The following LNX1 variants were observed in gnomAD, a reference collection of about 807,000 sequenced individuals.
The protein encoded by LNX1 is E3 ubiquitin-protein ligase LNX.
A neutral mutation model predicts 68.4 loss-of-function variants in LNX1; 54 were observed. That is an observed-to-expected ratio of 0.79 (90% CI 0.63 to 0.99). LNX1 has a LOEUF of 0.99. LNX1 is among the 50% of genes least tolerant of loss of function. The pLI, the probability that LNX1 is intolerant of heterozygous loss-of-function variation, is 0.00. For synonymous variants in LNX1, 336 were observed against 350.0 expected, an observed-to-expected ratio of 0.96 and a Z score of 0.45; for missense variants, 906 against 926.4, an observed-to-expected ratio of 0.98 and a Z score of 0.29.
chr4:53,628,464 A>G (rs1734154422), intron 1 of LNX1, among the ~76,000 whole-genome samples: 1 of 152,172 alleles, frequency 6.6e-6, no homozygotes, highest in Non-Finnish European at 1.5e-5. Flanking sequence ...TGCAAGAATG[A>G]CCATTATTAA....
At chr4:53,507,277 C>T (rs937522603) in intron 4 of LNX1, 40 bp downstream of exon 4, 2 of 1,595,822 alleles carry the variant, frequency 1.3e-6, no homozygotes, top group Admixed American at 3.5e-5. Flanking sequence ...CCCTGGAAGC[C>T]CAGCCCATGT....
chr4:53,521,854 C>T (rs1255608067), intron 2 of LNX1, among the ~76,000 whole-genome samples: 2 of 152,132 alleles, frequency 1.3e-5, no homozygotes, highest in Admixed American at 1.3e-4. Flanking sequence ...GGCTGGAGTG[C>T]AGTGGCATCA....
chr4:53,557,443 A>G (rs1201938935), intron 2 of LNX1, among the ~76,000 whole-genome samples: 1 of 152,140 alleles, frequency 6.6e-6, no homozygotes, highest in East Asian at 1.9e-4. Flanking sequence ...TACTGATACT[A>G]TACCTGTTTT....
chr4:53,620,962 T>G (rs573225081), upstream of LNX1, among the ~76,000 whole-genome samples: 57 of 152,178 alleles, frequency 3.7e-4, no homozygotes, highest in Admixed American at 1.2e-3. Context: ...CAATTATAGT[T>G]GTTACTCCTG....
chr4:53,649,469 A>C (rs751176273), intron 1 of LNX1, among the ~76,000 whole-genome samples: 1 of 152,162 alleles, frequency 6.6e-6, no homozygotes, highest in Non-Finnish European at 1.5e-5. Context: ...TGAACTCCGG[A>C]AGTCTGGCTC....
At chr4:53,526,887 A>G (rs1812717) in intron 2 of LNX1, among the ~76,000 whole-genome samples, 66,741 of 151,728 alleles carry the variant, frequency 0.44, 16,315 homozygotes, top group South Asian at 0.54. Flanking sequence ...GGCTCCACAG[A>G]AGGCTCACGA....
At chr4:53,501,311 G>GGGGGGGGCC (rs1553932778) in intron 4 of LNX1, among the ~76,000 whole-genome samples, 1 of 55,696 alleles carries the variant, frequency 1.8e-5, no homozygotes. Context: ...GGGGTGGGGG[G>GGGGGGGGCC]ACAGGATCTC....
upstream of LNX1, among the ~76,000 whole-genome samples, chr4:53,596,237 T>C (rs1263716080): frequency 6.6e-6 from 1 of 152,244 alleles, no homozygotes; most frequent in Non-Finnish European, 1.5e-5. Context: ...ATTCCATTTC[T>C]CTCACAAACT....
chr4:53,589,871 C>T (rs967073531), intron 1 of LNX1, among the ~76,000 whole-genome samples: 1 of 152,218 alleles, frequency 6.6e-6, no homozygotes, highest in African/African-American at 2.4e-5. Flanking sequence ...GTGTCTACAG[C>T]TTTGTTCCTT....
chr4:53,617,639 A>T (rs1385033123), upstream of LNX1: 1 of 152,210 alleles, frequency 6.6e-6, no homozygotes, highest in Non-Finnish European at 1.5e-5. Context: ...ATGTGTAGAA[A>T]CATGCCCACC....
At chr4:53,536,339 A>T (rs1728372586) in intron 2 of LNX1, among the ~76,000 whole-genome samples, 1 of 152,140 alleles carries the variant, frequency 6.6e-6, no homozygotes, top group Non-Finnish European at 1.5e-5. Flanking sequence ...CATCTTCAAG[A>T]GGGGACTTTT....
Position 53,649,599 on chromosome 4 carries a change from C to T in LNX1, c.-215+2569G>A, listed in dbSNP as rs115548765. 6.5e-3 allele frequency among the ~76,000 whole-genome samples: 986 copies of T among 152,326 alleles called. 4 individuals are homozygous for T. The highest frequency in any genetic ancestry group is 0.022 in the African/African-American group (931 of 41,570). On this transcript the variant is annotated intron_variant, in intron 1 of 2. Transcript: ENST00000507168. Reference sequence around the variant, plus strand: ...TGCACTAGCCACCCTGAGGTAGCTCCTGATATTCTCTATCAGTTACAGTAT... The same window carrying T: ...TGCACTAGCCACCCTGAGGTAGCTCTTGATATTCTCTATCAGTTACAGTAT...
chr4:53,529,102 A>AACACACACACACACACACACAC (rs201017055), intron 2 of LNX1, among the ~76,000 whole-genome samples: 3,727 of 138,188 alleles, frequency 0.027, 103 homozygotes, highest in Admixed American at 0.046. Context: ...AGTCCTGACC[A>AACACACACACACACACACACAC]ACACACACAC....
intron 6 of LNX1, among the ~76,000 whole-genome samples, chr4:53,495,547 G>GTTTTTTTTTTTTTTTTTTTTTTTTTTTT (rs1560626438): frequency 1.3e-5 from 1 of 79,150 alleles, no homozygotes; most frequent in Non-Finnish European, 2.5e-5. Context: ...GCATGGCATA[G>GTTTTTTTTTTTTTTTTTTTTTTTTTTTT]CTTTTTTTTT....
intron 1 of LNX1, among the ~76,000 whole-genome samples, chr4:53,633,076 C>A (rs1461951226): frequency 1.3e-5 from 2 of 152,218 alleles, no homozygotes; most frequent in Non-Finnish European, 2.9e-5. Flanking sequence ...GCCCCAACAT[C>A]ATCACTTTTT....
At chr4:53,472,379 C>T (rs1409192671) in intron 9 of LNX1, among the ~76,000 whole-genome samples, 1 of 151,834 alleles carries the variant, frequency 6.6e-6, no homozygotes, top group East Asian at 1.9e-4. Flanking sequence ...GGAGATATAC[C>T]TAATGCTAAA....
intron 2 of LNX1, among the ~76,000 whole-genome samples, chr4:53,540,884 C>G (rs1412075499): frequency 6.6e-6 from 1 of 151,988 alleles, no homozygotes; most frequent in Non-Finnish European, 1.5e-5. Context: ...CGCCTGTAAT[C>G]CCAGCACTTT....
rs770724547 is a variant in LNX1, at chr4:53,461,058, AAAC to A, written c.2052-19_2052-17del. ...ATCACCACATCTAAAAAAAAAAACA[AAAC>A]AAGATATGATTAGTATTTTAATTCG... On this transcript the variant is annotated splice_polypyrimidine_tract_variant and intron_variant, in intron 10 of 10. Coordinates refer to ENST00000263925, the MANE Select transcript of LNX1 (RefSeq NM_001126328.3). 13 of 1,547,438 alleles carry A rather than the reference AAAC, an allele frequency of 8.4e-6. No homozygotes were observed. The highest frequency in any genetic ancestry group is 1.2e-5 in the South Asian group (1 of 81,008).
intron 1 of LNX1, chr4:53,616,602 T>C (rs1733689876): frequency 6.6e-6 from 1 of 152,206 alleles, no homozygotes; most frequent in South Asian, 2.1e-4. Flanking sequence ...GAAGAGAATA[T>C]CTTTCCAGTT....
Sources: gnomAD v4.1 joint callset for allele counts (sites outside exome capture counted in the v4.1 genomes callset) on GRCh38, gnomAD v4.1.1 for gene constraint, MANE v1.5 for transcripts, NCBI Gene and HGNC (gene_info 2026-07-23, HGNC 2026-07-21) for gene names.